The following MMP27 variants were observed in gnomAD, a reference collection of about 807,000 sequenced individuals.
MMP27 encodes the protein matrix metalloproteinase-27.
Under a neutral mutation model 48.1 loss-of-function variants are expected in MMP27, and 51 were observed. That is an observed-to-expected ratio of 1.06 (90% CI 0.85 to 1.34). MMP27 has a LOEUF of 1.34. Among genes scored for constraint, MMP27 ranks in the 40% most tolerant of loss-of-function variants. The pLI is 0.00. For synonymous variants in MMP27, 229 were observed against 208.9 expected, an observed-to-expected ratio of 1.10 and a Z score of -0.83; for missense variants, 698 against 619.3, an observed-to-expected ratio of 1.13 and a Z score of -1.35.
At chr11:102,696,283 C>G in intron 6 of MMP27, 88 bp downstream of exon 6, 1 of 1,400,668 alleles carries the variant, frequency 7.1e-7, no homozygotes, top group Non-Finnish European at 1.0e-6. Context: ...CACATTTTCA[C>G]TAGCCCCATG....
rs751878911 is a variant in MMP27, at chr11:102,694,865, C to T, written c.1033+102G>A. 4.2e-5 allele frequency: 56 copies of T among 1,322,366 alleles called. No individual in the cohort carries two copies. In the Middle Eastern group the frequency reaches 9.6e-4, roughly 23 times the overall value. The allele number at this position is 1,322,366 out of a possible 1,614,324, so 81.9% of individuals were successfully genotyped here. A position where few individuals can be genotyped will look rare whatever the true frequency, so the allele number is the denominator to read the frequency against. ...ACCTAAGATGAGAGCAAAAGCCCTG[C>T]GCCTTGGCTCATGCATGAAGATTTT... On this transcript the variant is annotated intron_variant, in intron 7 of 9. Coordinates refer to ENST00000260229, the MANE Select transcript of MMP27 (RefSeq NM_022122.3).
At chr11:102,700,904 T>C (rs111388871) in intron 4 of MMP27, among the ~76,000 whole-genome samples, 3 of 152,396 alleles carry the variant, frequency 2.0e-5, no homozygotes, top group Admixed American at 6.5e-5. Flanking sequence ...GATGTGTCTG[T>C]TGCTCTTAAG....
chr11:102,691,659 T>G lies in MMP27; in HGVS notation c.*107A>C. On this transcript the variant is annotated 3_prime_UTR_variant, in exon 10 of 10. Transcript: ENST00000260229. ...GCTCAAAATGGCCATTGAATTTGGA[T>G]ATTTAGAACTAGGACCAGCAACTTG... The G allele has an allele frequency of 1.0e-6, 1 of 1,002,212 alleles. No individual in the cohort carries two copies. The highest frequency in any genetic ancestry group is 2.0e-5 in the South Asian group (1 of 50,234). 62.1% of individuals were successfully genotyped at this position (1,002,212 alleles called of 1,614,324 possible).
At chr11:102,704,504 G>C in intron 2 of MMP27, 33 bp downstream of exon 2, 1 of 1,472,076 alleles carries the variant, frequency 6.8e-7, no homozygotes, top group Admixed American at 1.7e-5. Context: ...TGTTCCTTTG[G>C]ATTAGGCGGA....
chr11:102,696,398 C>A lies in MMP27; in HGVS notation c.875G>T (p.Arg292Leu), dbSNP rs372783671. The A allele has an allele frequency of 4.3e-6, 7 of 1,613,520 alleles. No homozygotes were observed. The highest frequency in any genetic ancestry group is 2.2e-5 in the East Asian group (1 of 44,870). Residue 292 changes from arginine (R) to leucine (L), a missense_variant, in exon 6 of 10, where the codon CGC (arginine) becomes CTC (leucine). Coordinates refer to ENST00000260229, the MANE Select transcript of MMP27 (RefSeq NM_022122.3). ...GCCTTTAAAGAACATTACTTCTCTG[C>A]GGAAAGTTGTGATAGCGTCAAAAGT... is the stretch of plus-strand genomic sequence containing the variant. ...DLTFDAITTFRREVMFFKGRH... is the reference protein window; with the variant it reads ...DLTFDAITTFLREVMFFKGRH...
intron 4 of MMP27, among the ~76,000 whole-genome samples, chr11:102,698,354 T>C (rs1442003713): frequency 1.3e-5 from 2 of 152,126 alleles, no homozygotes; most frequent in Non-Finnish European, 2.9e-5. Flanking sequence ...CCATAGTCCA[T>C]AGTTGACCAA....
rs746434826 is a variant in MMP27, at chr11:102,704,721, T to C, written c.157A>G (p.Ser53Gly). 7 of 1,613,884 alleles carry C rather than the reference T, an allele frequency of 4.3e-6. No individual in the cohort carries two copies. Among genetic ancestry groups the C allele is most frequent in the Non-Finnish European group, 5.1e-6 (6 of 1,179,928 alleles). Residue 53 changes from serine (S) to glycine (G), a missense_variant, in exon 2 of 10, where the codon AGC (serine) becomes GGC (glycine). Physicochemically the swap from Ser to Gly is moderately conservative, Grantham distance 56. Coordinates refer to ENST00000260229, the MANE Select transcript of MMP27 (RefSeq NM_022122.3). Reference protein sequence around the residue: ...LEIEGNHLVQSKNRSLIDDKI... With the variant: ...LEIEGNHLVQGKNRSLIDDKI... ...TCATCTATGAGACTCCTATTCTTGC[T>C]TTGAACAAGATGATTCCCTTCTATT...
chr11:102,700,780 T>G lies in MMP27; in HGVS notation c.619+1973A>C, dbSNP rs376641387. Among the ~76,000 whole-genome samples, 13 of 152,384 alleles carry G rather than the reference T, an allele frequency of 8.5e-5. No homozygotes were observed. The East Asian group carries it at 1.7e-3, about 20-fold the overall frequency. ...ACTCACAATAGGCTTGGCACCTGGC[T>G]TTGCTTTGAGAGACTCTCAGGAAAA... On this transcript the variant is annotated intron_variant, in intron 4 of 9. Transcript: ENST00000260229.
intron 4 of MMP27, among the ~76,000 whole-genome samples, chr11:102,702,323 T>C (rs1860954513): frequency 6.6e-6 from 1 of 152,140 alleles, no homozygotes; most frequent in Non-Finnish European, 1.5e-5. Flanking sequence ...CTCCCTAGAG[T>C]CTTCTTTCAA....
At chr11:102,699,945 G>A (rs1275257181) in intron 4 of MMP27, among the ~76,000 whole-genome samples, 3 of 152,186 alleles carry the variant, frequency 2.0e-5, no homozygotes, top group African/African-American at 7.2e-5. Flanking sequence ...CCAGTTCTCA[G>A]GCTTGACATA....
intron 8 of MMP27, 103 bp from the exon 9 acceptor site, chr11:102,693,144 AG>A: frequency 1.3e-6 from 1 of 744,838 alleles, no homozygotes; most frequent in East Asian, 2.6e-5. Context: ...GGGAATACAT[AG>A]GCATAGTAGA....
chr11:102,697,239 A>G (rs1222195609), intron 4 of MMP27, among the ~76,000 whole-genome samples: 4 of 152,226 alleles, frequency 2.6e-5, no homozygotes, highest in Non-Finnish European at 4.4e-5. Flanking sequence ...GTCTATCTAA[A>G]CATATCTGAA....
intron 2 of MMP27, 82 bp from the exon 3 acceptor site, chr11:102,703,200 C>G: frequency 2.3e-6 from 3 of 1,319,970 alleles, no homozygotes; most frequent in Non-Finnish European, 3.1e-6. Context: ...ACATTTCTAG[C>G]TTATCAATAA....
chr11:102,692,062 C>T, intron 9 of MMP27, 52 bp from the exon 10 acceptor site: 1 of 1,425,562 alleles, frequency 7.0e-7, no homozygotes, highest in Admixed American at 2.5e-5. Context: ...ATAATACTTC[C>T]ATACTTTTAA....
At position 102,702,974 on chromosome 11, in the gene MMP27, A is replaced by G. The variant is rs111839086; in HGVS notation, c.486T>C (p.Thr162=). ...GIADIMIAFR[T]RVHGRCPRYF... ...GCTCTCTGTTGAAAACCTTACCTCGAGTCCTAAAGGCAATCATGATGTCTG... is the reference window on the plus strand; with the variant it reads ...GCTCTCTGTTGAAAACCTTACCTCGGGTCCTAAAGGCAATCATGATGTCTG... Residue 162 remains threonine, a synonymous_variant, in exon 3 of 10, where the codon ACT becomes ACC. Transcript: ENST00000260229. 2.5e-6 allele frequency: 4 copies of G among 1,613,272 alleles called. No homozygotes were observed. The highest frequency in any genetic ancestry group is 3.3e-5 in the Admixed American group (2 of 59,802).
rs753077828 is a variant in MMP27, at chr11:102,702,868, A to G, written c.504T>C (p.Cys168=). 7 of 1,613,884 alleles carry G rather than the reference A, an allele frequency of 4.3e-6. No individual in the cohort carries two copies. In the Admixed American group the frequency reaches 8.3e-5, roughly 19 times the overall value. ...CCAAGGGACCATCAAAATAGCGAGG[A>G]CACCGACCATGGACTGAGATACAAT... ...IAFRTRVHGR[C]PRYFDGPLGV... The change falls in exon 4 of 10, where the codon TGT becomes TGC. Residue 168 remains cysteine (C), a synonymous_variant. Coordinates refer to ENST00000260229, the MANE Select transcript of MMP27 (RefSeq NM_022122.3).
intron 2 of MMP27, 111 bp from the exon 3 acceptor site, chr11:102,703,229 G>A (rs2134276667): frequency 1.0e-6 from 1 of 970,584 alleles, no homozygotes; most frequent in South Asian, 1.7e-5. Context: ...AGTAACTTTG[G>A]TGTGGTGCAA....
intron 4 of MMP27, among the ~76,000 whole-genome samples, chr11:102,698,784 T>A (rs997526184): frequency 7.2e-5 from 11 of 152,188 alleles, no homozygotes; most frequent in African/African-American, 2.4e-4. Flanking sequence ...GGCTTAACTA[T>A]CCTATTTATT....
chr11:102,703,968 A>G (rs1860996014), intron 2 of MMP27, among the ~76,000 whole-genome samples: 2 of 152,236 alleles, frequency 1.3e-5, no homozygotes, highest in African/African-American at 4.8e-5. Context: ...GAAAGGCTGT[A>G]GAGTGATGGT....
Sources: gnomAD v4.1 joint callset for allele counts (sites outside exome capture counted in the v4.1 genomes callset) on GRCh38, gnomAD v4.1.1 for gene constraint, MANE v1.5 for transcripts, NCBI Gene and HGNC (gene_info 2026-07-23, HGNC 2026-07-21) for gene names.